Variants in SNAP47 observed in about 807,000 individuals in gnomAD.
SNAP47 encodes synaptosome associated protein 47.
Under a neutral mutation model 31.4 loss-of-function variants are expected in SNAP47, and 20 were observed. That is an observed-to-expected ratio of 0.64 (90% CI 0.45 to 0.93). The LOEUF is 0.93. Ranked by LOEUF, SNAP47 falls within the 40% of genes least tolerant of loss-of-function variation. SNAP47 has a pLI of 0.00. For synonymous variants in SNAP47, 194 were observed against 213.4 expected, an observed-to-expected ratio of 0.91 and a Z score of 0.79; for missense variants, 492 against 528.5, an observed-to-expected ratio of 0.93 and a Z score of 0.68.
At chr1:227,742,146 C>T (rs1429788436) in intron 1 of SNAP47, among the ~76,000 whole-genome samples, 1 of 151,992 alleles carries the variant, frequency 6.6e-6, no homozygotes, top group East Asian at 1.9e-4. Context: ...CGTCATTTAG[C>T]ATTAGGTATA....
intron 4 of SNAP47, among the ~76,000 whole-genome samples, chr1:227,777,483 T>C (rs954971078): frequency 3.3e-5 from 5 of 152,218 alleles, no homozygotes; most frequent in African/African-American, 1.2e-4. Context: ...ATGTGGCTCC[T>C]GATCCCTGAG....
rs372991646 is a variant in SNAP47 at position 227,768,044 on chromosome 1, C to T, written c.1113+961C>T. Among the ~76,000 whole-genome samples, 16 of 152,336 alleles carry T rather than the reference C, an allele frequency of 1.1e-4. No individual in the cohort carries two copies. The East Asian group carries it at 3.1e-3, about 29-fold the overall frequency. On this transcript the variant is annotated intron_variant, in intron 4 of 4. Coordinates refer to ENST00000617596, the MANE Select transcript of SNAP47 (RefSeq NM_053052.4). ...ATATCACTTCATTTGTAAATATCTC[C>T]ATATGTATCATTAAAGGATAAGAGC...
At chr1:227,735,204 CGACGCCGGG>C, upstream of SNAP47, 1 of 1,583,502 alleles carries the variant, frequency 6.3e-7, no homozygotes, top group Non-Finnish European at 8.6e-7. Flanking sequence ...GGAGCCTGGC[CGACGCCGGG>C]GACATCGACC....
At chr1:227,775,867 CAG>C in intron 4 of SNAP47, 26 of 1,303,872 alleles carry the variant, frequency 2.0e-5, no homozygotes, top group Non-Finnish European at 2.6e-5. Context: ...TTTGTGGAGA[CAG>C]AGACTTTCCT....
chr1:227,766,543 G>A (rs1377551042), intron 3 of SNAP47, among the ~76,000 whole-genome samples: 2 of 152,184 alleles, frequency 1.3e-5, no homozygotes, highest in Non-Finnish European at 2.9e-5. Context: ...GCTTGGCCTG[G>A]GCTGTGGGCC....
intron 4 of SNAP47, among the ~76,000 whole-genome samples, chr1:227,778,549 A>G (rs1664288300): frequency 6.6e-6 from 1 of 152,228 alleles, no homozygotes; most frequent in African/African-American, 2.4e-5. Context: ...GCACAGGGAC[A>G]GTGTGAGTGT....
intron 4 of SNAP47, among the ~76,000 whole-genome samples, chr1:227,775,528 C>T (rs1277850533): frequency 2.0e-5 from 3 of 152,146 alleles, no homozygotes; most frequent in East Asian, 3.9e-4. Context: ...GCCGATGTCC[C>T]GCAGAGTTTG....
intron 2 of SNAP47, among the ~76,000 whole-genome samples, chr1:227,755,439 T>C: frequency 6.6e-6 from 1 of 152,222 alleles, no homozygotes; most frequent in South Asian, 2.1e-4. Context: ...CAGGCAGGAA[T>C]GCAGTGGCGT....
intron 1 of SNAP47, among the ~76,000 whole-genome samples, chr1:227,737,111 T>C (rs1301524244): frequency 6.6e-6 from 1 of 151,914 alleles, no homozygotes; most frequent in Non-Finnish European, 1.5e-5. Context: ...GGGTACTCTG[T>C]GATTTTCGGC....
At chr1:227,733,404 A>C, upstream of SNAP47, 1 of 1,567,372 alleles carries the variant, frequency 6.4e-7, no homozygotes. Flanking sequence ...CAGGAGAAGC[A>C]GCACATTACC....
At chr1:227,731,538 G>C (rs146237193), upstream of SNAP47, 1 of 152,372 alleles carries the variant, frequency 6.6e-6, no homozygotes, top group East Asian at 1.9e-4. Context: ...TCAGGCCTGG[G>C]GCATCCTCTG....
At chr1:227,729,320 C>G (rs1223148651) in intron 1 of SNAP47, among the ~76,000 whole-genome samples, 1 of 152,158 alleles carries the variant, frequency 6.6e-6, no homozygotes, top group African/African-American at 2.4e-5. Context: ...CACTGGACAT[C>G]TTGGTCCCTA....
At chr1:227,771,741 A>G (rs1663826402) in intron 4 of SNAP47, among the ~76,000 whole-genome samples, 1 of 139,470 alleles carries the variant, frequency 7.2e-6, no homozygotes, top group African/African-American at 2.6e-5. Context: ...TGTGCTGGGC[A>G]TGACTGCAGA....
upstream of SNAP47, chr1:227,732,323 A>G (rs1660710037): frequency 6.4e-7 from 1 of 1,567,330 alleles, no homozygotes; most frequent in South Asian, 1.2e-5. Flanking sequence ...GGCGGTCTTT[A>G]TTTCTGGAAG....
In SNAP47 at chr1:227,780,822, A is replaced by T; in HGVS notation, c.*149A>T. Reference sequence around the variant, plus strand: ...GCTACTGTGGGGCTGCTTCTGCACCAGGGGCCTCCCCAGGTGTGCACCATG... The same window carrying T: ...GCTACTGTGGGGCTGCTTCTGCACCTGGGGCCTCCCCAGGTGTGCACCATG... On this transcript the variant is annotated 3_prime_UTR_variant, in exon 5 of 5. Coordinates refer to ENST00000617596, the MANE Select transcript of SNAP47 (RefSeq NM_053052.4). The T allele has an allele frequency of 3.6e-6, 4 of 1,119,038 alleles. No homozygotes were observed. The highest frequency in any genetic ancestry group is 5.0e-6 in the Non-Finnish European group (4 of 801,890). 69.3% of individuals were successfully genotyped at this position (1,119,038 alleles called of 1,614,324 possible). A position where few individuals can be genotyped will look rare whatever the true frequency, so the allele number is the denominator to read the frequency against.
intron 2 of SNAP47, among the ~76,000 whole-genome samples, chr1:227,756,752 C>T (rs1310924861): frequency 2.0e-5 from 3 of 152,366 alleles, no homozygotes; most frequent in South Asian, 4.1e-4. Flanking sequence ...CCTCCCATGG[C>T]GTGTTGCTGC....
At chr1:227,729,510 G>A (rs998076270) in intron 1 of SNAP47, among the ~76,000 whole-genome samples, 5 of 152,208 alleles carry the variant, frequency 3.3e-5, no homozygotes, top group African/African-American at 9.6e-5. Context: ...ACACTCTGGA[G>A]CATGGATGAG....
intron 4 of SNAP47, 31 bp downstream of exon 4, chr1:227,767,114 C>T (rs771486661): frequency 5.6e-6 from 9 of 1,612,612 alleles, no homozygotes; most frequent in East Asian, 4.5e-5. Flanking sequence ...TGCCAGCCAG[C>T]GCTGTGTCCC....
rs191651374 is a variant in SNAP47, at chr1:227,759,106, C to T, written c.609C>T (p.Pro203=). 149 of 1,614,104 alleles carry T rather than the reference C, an allele frequency of 9.2e-5. No individual in the cohort carries two copies. In the East Asian group the frequency reaches 2.8e-3, roughly 30 times the overall value. ...ATGTCTCCATGACCAGTTGTGAACC[C>T]TTTGGGAAAGAAGGGATACTGATAA... The part of the protein sequence containing the change: ...REDVSMTSCE[P]FGKEGILIKI... Residue 203 remains proline, a synonymous_variant, in exon 3 of 5, where the codon CCC becomes CCT. Coordinates refer to ENST00000617596, the MANE Select transcript of SNAP47 (RefSeq NM_053052.4).
Sources: allele counts gnomAD v4.1 joint callset (sites outside exome capture counted in the v4.1 genomes callset), GRCh38; gene constraint gnomAD v4.1.1; transcripts MANE v1.5; gene names NCBI Gene and HGNC (gene_info 2026-07-23, HGNC 2026-07-21).